Variants in MAGOH observed in about 807,000 individuals in gnomAD.
MAGOH encodes the protein mago homolog, exon junction complex subunit, also known as protein mago nashi homolog.
Under a neutral mutation model 20.9 loss-of-function variants are expected in MAGOH, and 3 were observed. The ratio of observed to expected loss-of-function variants is 0.14; its 90% CI spans 0.07 to 0.37. MAGOH has a LOEUF of 0.37. Ranked by LOEUF, MAGOH falls within the 10% of genes least tolerant of loss-of-function variation. The pLI is 1.00. For missense variants in MAGOH, 66 were observed against 178.1 expected, an observed-to-expected ratio of 0.37 and a Z score of 3.58; for synonymous variants, 51 against 61.0, an observed-to-expected ratio of 0.84 and a Z score of 0.76.
chr1:53,231,141 C>T (rs2100303758), intron 3 of MAGOH, among the ~76,000 whole-genome samples: 1 of 152,284 alleles, frequency 6.6e-6, no homozygotes, highest in South Asian at 2.1e-4. Context: ...AATGGTATCT[C>T]ACTGTTGTCC....
intron 1 of MAGOH, among the ~76,000 whole-genome samples, chr1:53,236,260 C>T (rs1645609796): frequency 6.6e-6 from 1 of 152,228 alleles, no homozygotes; most frequent in Non-Finnish European, 1.5e-5. Flanking sequence ...TGTGCTGTCT[C>T]TCTGCCTCAA....
chr1:53,238,490 C>A lies in MAGOH; in HGVS notation c.-42G>T. The A allele has an allele frequency of 6.4e-7, 1 of 1,556,482 alleles. No individual in the cohort carries two copies. Among genetic ancestry groups the A allele is most frequent in the African/African-American group, 1.4e-5 (1 of 73,908 alleles). On this transcript the variant is annotated 5_prime_UTR_variant, in exon 1 of 5. Transcript: ENST00000371470. ...CCGAGCCTGAACTTCCAAGAGCAAG[C>A]CGCACTGCCGCCGTCTGCGCCCGAC...
At chr1:53,233,465 A>G in intron 3 of MAGOH, 77 bp downstream of exon 3, 1 of 945,072 alleles carries the variant, frequency 1.1e-6, no homozygotes. Context: ...AGGCAACAAA[A>G]GCTTTAAGTG....
chr1:53,231,446 A>G (rs1645585853), intron 3 of MAGOH, among the ~76,000 whole-genome samples: 1 of 152,202 alleles, frequency 6.6e-6, no homozygotes, highest in African/African-American at 2.4e-5. Flanking sequence ...CTCCTTCTCT[A>G]CCCAGAAATA....
intron 1 of MAGOH, 99 bp from the exon 2 acceptor site, chr1:53,235,734 C>G: frequency 1.1e-6 from 1 of 877,022 alleles, no homozygotes; most frequent in Non-Finnish European, 1.9e-6. Flanking sequence ...ATGTATCTAA[C>G]TTGCTAAAAG....
intron 4 of MAGOH, 147 bp from the exon 5 acceptor site, chr1:53,227,291 G>A (rs1231093325): frequency 2.1e-6 from 1 of 468,774 alleles, no homozygotes; most frequent in Admixed American, 4.2e-5. Context: ...CTTACATTAA[G>A]TGAAAAAATA....
At chr1:53,230,538 T>G (rs1450428191) in intron 3 of MAGOH, among the ~76,000 whole-genome samples, 4 of 152,046 alleles carry the variant, frequency 2.6e-5, no homozygotes, top group Non-Finnish European at 5.9e-5. Flanking sequence ...CACCTTTAGC[T>G]TCTCGAATAG....
At chr1:53,233,825 A>T in intron 2 of MAGOH, 173 bp from the exon 3 acceptor site, 1 of 560,152 alleles carries the variant, frequency 1.8e-6, no homozygotes, top group Non-Finnish European at 3.2e-6. Flanking sequence ...ACACGGTCAG[A>T]AGTATCCAGT....
At chr1:53,237,659 A>T (rs1645618979) in intron 1 of MAGOH, among the ~76,000 whole-genome samples, 1 of 129,510 alleles carries the variant, frequency 7.7e-6, no homozygotes, top group Non-Finnish European at 1.7e-5. Flanking sequence ...GGGCAAAAAG[A>T]GCGAAAGCCG....
chr1:53,236,089 G>A (rs1011834276), intron 1 of MAGOH, among the ~76,000 whole-genome samples: 1 of 152,234 alleles, frequency 6.6e-6, no homozygotes, highest in African/African-American at 2.4e-5. Context: ...AGAAGCTGCT[G>A]CTTTTATCAC....
Position 53,238,492 on chromosome 1 carries a change from G to T in MAGOH, c.-44C>A, listed in dbSNP as rs566550176. ...GAGCCTGAACTTCCAAGAGCAAGCCGCACTGCCGCCGTCTGCGCCCGACAC... is the reference window on the plus strand; with the variant it reads ...GAGCCTGAACTTCCAAGAGCAAGCCTCACTGCCGCCGTCTGCGCCCGACAC... On this transcript the variant is annotated 5_prime_UTR_variant, in exon 1 of 5. Coordinates refer to ENST00000371470, the MANE Select transcript of MAGOH (RefSeq NM_002370.4). 4 of 1,553,674 alleles carry T rather than the reference G, an allele frequency of 2.6e-6. No individual in the cohort carries two copies. Among genetic ancestry groups the T allele is most frequent in the Non-Finnish European group, 2.7e-6 (3 of 1,125,200 alleles).
chr1:53,236,182 A>T (rs1645609251), intron 1 of MAGOH, among the ~76,000 whole-genome samples: 1 of 152,220 alleles, frequency 6.6e-6, no homozygotes, highest in African/African-American at 2.4e-5. Flanking sequence ...GACAGAAGGA[A>T]ATAGAAGACA....
intron 4 of MAGOH, among the ~76,000 whole-genome samples, chr1:53,227,710 T>C (rs930300026): frequency 6.6e-6 from 1 of 152,086 alleles, no homozygotes; most frequent in Non-Finnish European, 1.5e-5. Flanking sequence ...GCTAATTTTT[T>C]GTATTTTTAG....
chr1:53,233,305 ATACAT>A lies in MAGOH; in HGVS notation c.258+232_258+236del, dbSNP rs1216806921. 4 of 359,340 alleles carry A rather than the reference ATACAT, an allele frequency of 1.1e-5. No individual in the cohort carries two copies. In the South Asian group the frequency reaches 1.8e-4, roughly 16 times the overall value. The allele number at this position is 359,340 out of a possible 1,614,324, so 22.3% of individuals were successfully genotyped here. On this transcript the variant is annotated intron_variant, in intron 3 of 4. Coordinates refer to ENST00000371470, the MANE Select transcript of MAGOH (RefSeq NM_002370.4). ...CCAAAATGGTGCTCAGAATGAATAT[ATACAT>A]TAATGTATATAAATATACATGAATT...
At chr1:53,234,786 T>C (rs1572397604) in intron 2 of MAGOH, among the ~76,000 whole-genome samples, 1 of 152,256 alleles carries the variant, frequency 6.6e-6, no homozygotes, top group East Asian at 1.9e-4. Context: ...ATAAAATCAA[T>C]AGCTAAAATA....
rs960884602 is a variant in MAGOH at position 53,235,508 on chromosome 1, A to G, written c.147+69T>C. 16 of 1,351,048 alleles carry G rather than the reference A, an allele frequency of 1.2e-5. No individual in the cohort carries two copies. In the Middle Eastern group the frequency reaches 7.2e-4, roughly 61 times the overall value. 83.7% of individuals were successfully genotyped at this position (1,351,048 alleles called of 1,614,324 possible). A position where few individuals can be genotyped will look rare whatever the true frequency, so the allele number is the denominator to read the frequency against. On this transcript the variant is annotated intron_variant, in intron 2 of 4. Coordinates refer to ENST00000371470, the MANE Select transcript of MAGOH (RefSeq NM_002370.4). ...ATCTTTCAATACTACTAGAAACAAT[A>G]AAAACAATGCAAGACAAAAAGCTGA...
intron 3 of MAGOH, among the ~76,000 whole-genome samples, chr1:53,230,634 C>T (rs1290391805): frequency 6.6e-6 from 1 of 151,548 alleles, no homozygotes; most frequent in African/African-American, 2.4e-5. Flanking sequence ...TCTCACTGTG[C>T]TCAGGCTGGT....
At chr1:53,230,045 G>A (rs1206588422) in intron 3 of MAGOH, among the ~76,000 whole-genome samples, 1 of 152,216 alleles carries the variant, frequency 6.6e-6, no homozygotes, top group Non-Finnish European at 1.5e-5. Flanking sequence ...TCCAAACAGT[G>A]ACATGAGTAC....
intron 1 of MAGOH, among the ~76,000 whole-genome samples, chr1:53,237,906 G>A (rs1402310160): frequency 6.6e-6 from 1 of 151,988 alleles, no homozygotes; most frequent in African/African-American, 2.4e-5. Flanking sequence ...AGCTTCACAA[G>A]GCTGAGCCCT....
Sources: allele counts gnomAD v4.1 joint callset (sites outside exome capture counted in the v4.1 genomes callset), GRCh38; gene constraint gnomAD v4.1.1; transcripts MANE v1.5; gene names NCBI Gene and HGNC (gene_info 2026-07-23, HGNC 2026-07-21).